Variants in AKR1E2 observed in about 807,000 individuals in gnomAD.
The protein encoded by AKR1E2 is aldo-keto reductase family 1 member E2, also known as 1,5-anhydro-D-fructose reductase.
In AKR1E2, 43 loss-of-function variants were observed where a neutral mutation model predicts 41.9. The ratio of observed to expected loss-of-function variants is 1.03; its 90% confidence interval spans 0.80 to 1.32. The LOEUF is 1.32. Ranked by LOEUF, AKR1E2 falls within the 40% of genes most tolerant of loss-of-function variation. The pLI is 0.00. For synonymous variants in AKR1E2, 121 were observed against 138.9 expected, an observed-to-expected ratio of 0.87 and a Z score of 0.91; for missense variants, 423 against 396.5, an observed-to-expected ratio of 1.07 and a Z score of -0.57.
chr10:4,870,285 G>A, the AKR1E2 span, among the ~76,000 whole-genome samples: 1 of 151,900 alleles, frequency 6.6e-6, no homozygotes, highest in Non-Finnish European at 1.5e-5. Context: ...AACCATATAA[G>A]ACATTTAGTT....
intron 6 of AKR1E2, among the ~76,000 whole-genome samples, chr10:4,841,190 C>T (rs80010883): frequency 0.035 from 5,294 of 152,134 alleles, 144 homozygotes; most frequent in East Asian, 0.11. Context: ...ACCTCGAGGA[C>T]GATACTAGCA....
chr10:4,846,012 C>A, intron 8 of AKR1E2: 3 of 388,568 alleles, frequency 7.7e-6, no homozygotes, highest in South Asian at 5.7e-5. Context: ...CGGCCCGCCC[C>A]CTGTGGCCCC....
At chr10:4,847,308 C>A in intron 9 of AKR1E2, 78 bp downstream of exon 9, 1 of 1,594,108 alleles carries the variant, frequency 6.3e-7, no homozygotes, top group South Asian at 1.1e-5. Context: ...AGGTATTTAT[C>A]ATACACATTT....
At chr10:4,868,020 C>T in the AKR1E2 span, among the ~76,000 whole-genome samples, 4 of 152,246 alleles carry the variant, frequency 2.6e-5, no homozygotes, top group South Asian at 8.3e-4. Context: ...TAGTAGGAGA[C>T]TGGATCGTTG....
Position 4,847,094 on chromosome 10 carries a change from C to G in AKR1E2, c.838-54C>G. On this transcript the variant is annotated intron_variant, in intron 8 of 9. Transcript: ENST00000298375. ...CTGTGCTATGTAGGTAACATGTGCT[C>G]CATTAAATGTGAATTAAACTAAGTT... The G allele has an allele frequency of 5.0e-6, 8 of 1,599,236 alleles. No individual in the cohort carries two copies. The South Asian group carries it at 7.7e-5, about 15-fold the overall frequency.
chr10:4,843,991 T>G (rs1035312599), intron 8 of AKR1E2, among the ~76,000 whole-genome samples: 2 of 152,190 alleles, frequency 1.3e-5, no homozygotes, highest in African/African-American at 4.8e-5. Flanking sequence ...AGGTCTCTTG[T>G]AGTGGTTAGA....
chr10:4,862,973 A>T, the AKR1E2 span, among the ~76,000 whole-genome samples: 1 of 152,124 alleles, frequency 6.6e-6, no homozygotes, highest in Non-Finnish European at 1.5e-5. Flanking sequence ...GTCCTTAGAG[A>T]CCTACAAAGA....
chr10:4,858,172 T>A, the AKR1E2 span, among the ~76,000 whole-genome samples: 1 of 152,204 alleles, frequency 6.6e-6, no homozygotes, highest in Non-Finnish European at 1.5e-5. Context: ...TGAGTCATAC[T>A]TATTCTTTGA....
rs778813854 is a variant in AKR1E2, at chr10:4,847,534, C to T, written c.*4C>T. ...TCCTTTCCACATAGAATACTGAGGA[C>T]GCTTCCCCTTCCTTGTTTCTGCTCA... On this transcript the variant is annotated 3_prime_UTR_variant, in exon 10 of 10. Coordinates refer to ENST00000298375, the MANE Select transcript of AKR1E2 (RefSeq NM_001040177.3). 1.1e-5 allele frequency: 17 copies of T among 1,613,534 alleles called. No individual in the cohort carries two copies. Among genetic ancestry groups the T allele is most frequent in the South Asian group, 2.2e-5 (2 of 90,932 alleles).
At chr10:4,872,460 G>A in the AKR1E2 span, among the ~76,000 whole-genome samples, 5 of 152,116 alleles carry the variant, frequency 3.3e-5, no homozygotes, top group South Asian at 2.1e-4. Context: ...TCACTTCAAT[G>A]GGGTAGTTCC....
At chr10:4,843,250 C>T (rs1158811295) in intron 8 of AKR1E2, among the ~76,000 whole-genome samples, 1 of 152,164 alleles carries the variant, frequency 6.6e-6, no homozygotes, top group African/African-American at 2.4e-5. Flanking sequence ...CCTCTCTCAG[C>T]CTTTGTTTCT....
At chr10:4,837,413 T>C (rs767116785) in intron 4 of AKR1E2, 46 bp from the exon 5 acceptor site, 14 of 1,604,116 alleles carry the variant, frequency 8.7e-6, no homozygotes, top group Non-Finnish European at 1.1e-5. Context: ...AGATTGTCAG[T>C]GCAGTAGACA....
At chr10:4,851,393 G>T (rs892826516), downstream of AKR1E2, among the ~76,000 whole-genome samples, 19 of 152,330 alleles carry the variant, frequency 1.2e-4, no homozygotes, top group Non-Finnish European at 2.4e-4. Flanking sequence ...GTGACTCTAG[G>T]CCCAGTTTCC....
Position 4,836,267 on chromosome 10 carries a change from C to T in AKR1E2, c.459+458C>T, listed in dbSNP as rs145817817. On this transcript the variant is annotated intron_variant, in intron 4 of 9. Transcript: ENST00000298375. ...GAAGCTCAGGCTGGGGAGGTGAGAC[C>T]AGTGTCGGGGAAGGTTACCAAGTGT... 2.6e-5 allele frequency among the ~76,000 whole-genome samples: 4 copies of T among 152,146 alleles called. No homozygotes were observed. In the East Asian group the frequency reaches 5.8e-4, roughly 22 times the overall value.
chr10:4,832,724 T>TTTTACTTTCTTTTAC (rs59040414), intron 2 of AKR1E2, among the ~76,000 whole-genome samples: 3 of 152,100 alleles, frequency 2.0e-5, no homozygotes, highest in Non-Finnish European at 4.4e-5. Context: ...TTCCCCTTTC[T>TTTTACTTTCTTTTAC]TTTACTTTCT....
chr10:4,840,054 C>T (rs985335562), intron 6 of AKR1E2, among the ~76,000 whole-genome samples: 2 of 152,066 alleles, frequency 1.3e-5, no homozygotes, highest in Non-Finnish European at 2.9e-5. Flanking sequence ...AGGGTCAGGA[C>T]CTCTTCAGGG....
At chr10:4,844,074 G>A (rs774704872) in intron 8 of AKR1E2, among the ~76,000 whole-genome samples, 9 of 152,308 alleles carry the variant, frequency 5.9e-5, no homozygotes, top group Admixed American at 3.9e-4. Context: ...TGGTCTCACT[G>A]ACTTCAGGAA....
intron 8 of AKR1E2, among the ~76,000 whole-genome samples, chr10:4,844,743 G>C (rs1305466948): frequency 1.3e-5 from 2 of 152,162 alleles, no homozygotes; most frequent in African/African-American, 4.8e-5. Flanking sequence ...TGATTGGTGT[G>C]TTTACAAACC....
chr10:4,826,468 C>T, intron 1 of AKR1E2, 105 bp downstream of exon 1: 1 of 1,056,442 alleles, frequency 9.5e-7, no homozygotes, highest in East Asian at 3.3e-5. Flanking sequence ...GCGGCGGCCT[C>T]CCCTCCGCCT....
Sources: allele counts gnomAD v4.1 joint callset (sites outside exome capture counted in the v4.1 genomes callset), GRCh38; gene constraint gnomAD v4.1.1; transcripts MANE v1.5; gene names NCBI Gene and HGNC (gene_info 2026-07-23, HGNC 2026-07-21).